Variants in SLC44A5 observed in about 807,000 individuals in gnomAD.
The protein encoded by SLC44A5 is solute carrier family 44 member 5.
In SLC44A5, 57 loss-of-function variants were observed where a neutral mutation model predicts 101.8. That is an observed-to-expected ratio of 0.56 (90% CI 0.45 to 0.70). The LOEUF is 0.70. Ranked by LOEUF, SLC44A5 falls within the 30% of genes least tolerant of loss-of-function variation. SLC44A5 has a pLI of 0.00. For synonymous variants in SLC44A5, 281 were observed against 290.9 expected, an observed-to-expected ratio of 0.97 and a Z score of 0.35; for missense variants, 737 against 853.1, an observed-to-expected ratio of 0.86 and a Z score of 1.70.
intron 4 of SLC44A5, among the ~76,000 whole-genome samples, chr1:75,311,882 G>T (rs1655330397): frequency 1.3e-5 from 2 of 152,198 alleles, no homozygotes; most frequent in Admixed American, 1.3e-4. Flanking sequence ...TCAGGCAGAA[G>T]AAACAGCAAA....
chr1:75,709,589 G>A, the SLC44A5 span, among the ~76,000 whole-genome samples: 39,784 of 152,072 alleles, frequency 0.26, 6,475 homozygotes, highest in East Asian at 0.68. Flanking sequence ...GGAAAAGCAT[G>A]TTTTGTTTGT....
intron 2 of SLC44A5, among the ~76,000 whole-genome samples, chr1:75,533,538 A>G (rs1670834716): frequency 6.6e-6 from 1 of 152,194 alleles, no homozygotes; most frequent in Non-Finnish European, 1.5e-5. Context: ...CCTGATTACA[A>G]AACTTATCAC....
intron 13 of SLC44A5, 59 bp from the exon 14 acceptor site, chr1:75,222,519 C>T (rs973922527): frequency 1.0e-5 from 10 of 986,178 alleles, no homozygotes; most frequent in Non-Finnish European, 1.6e-5. Flanking sequence ...AACAAACCTT[C>T]CCTGCAAATG....
chr1:75,437,863 T>C (rs1664976364), intron 2 of SLC44A5, among the ~76,000 whole-genome samples: 1 of 152,176 alleles, frequency 6.6e-6, no homozygotes, highest in Admixed American at 6.5e-5. Flanking sequence ...AGCTTCCCTG[T>C]TGAAAGACTG....
chr1:75,468,174 T>C (rs1446515716), intron 2 of SLC44A5, among the ~76,000 whole-genome samples: 1 of 151,940 alleles, frequency 6.6e-6, no homozygotes, highest in African/African-American at 2.4e-5. Context: ...CAAAAACAAA[T>C]GCTGGAAAGG....
chr1:75,275,788 T>A (rs555864542), intron 5 of SLC44A5, among the ~76,000 whole-genome samples: 1 of 152,220 alleles, frequency 6.6e-6, no homozygotes, highest in African/African-American at 2.4e-5. Context: ...TAGGAAATGC[T>A]TTCTAATTTT....
chr1:75,365,896 A>G (rs1221049907), intron 3 of SLC44A5, among the ~76,000 whole-genome samples: 1 of 152,196 alleles, frequency 6.6e-6, no homozygotes, highest in Admixed American at 6.5e-5. Context: ...TCAATTACAT[A>G]TAAATCTCTA....
the SLC44A5 span, among the ~76,000 whole-genome samples, chr1:75,718,773 G>T: frequency 6.6e-6 from 1 of 152,114 alleles, no homozygotes; most frequent in Non-Finnish European, 1.5e-5. Flanking sequence ...AGGTCATCAG[G>T]CAACATCCTG....
intron 2 of SLC44A5, among the ~76,000 whole-genome samples, chr1:75,533,772 A>G (rs755873710): frequency 4.6e-5 from 7 of 152,222 alleles, no homozygotes; most frequent in Non-Finnish European, 7.4e-5. Context: ...GCAATACCCT[A>G]TTCTTGAATA....
chr1:75,713,874 C>G, the SLC44A5 span, among the ~76,000 whole-genome samples: 1 of 151,818 alleles, frequency 6.6e-6, no homozygotes, highest in African/African-American at 2.4e-5. Flanking sequence ...ACAAACACAG[C>G]TGAATGCAAC....
chr1:75,365,519 C>A (rs1659794175), intron 3 of SLC44A5, among the ~76,000 whole-genome samples: 1 of 152,150 alleles, frequency 6.6e-6, no homozygotes, highest in South Asian at 2.1e-4. Context: ...CCACTCAACC[C>A]AGAAATCCCA....
chr1:75,224,007 T>C (rs1047041635), intron 13 of SLC44A5, among the ~76,000 whole-genome samples: 3 of 152,168 alleles, frequency 2.0e-5, no homozygotes, highest in Admixed American at 1.3e-4. Context: ...CTTTATAAAA[T>C]TGCACCCTCA....
rs1425598969 is a variant in SLC44A5, at chr1:75,203,375, A to AAAT, written c.*349_*351dup. The AAAT allele has an allele frequency of 1.3e-5, 2 of 159,368 alleles. No homozygotes were observed. Among genetic ancestry groups the AAAT allele is most frequent in the Non-Finnish European group, 2.7e-5 (2 of 72,972 alleles). The allele number at this position is 159,368 out of a possible 1,614,324, so 9.9% of individuals were successfully genotyped here. A position where few individuals can be genotyped will look rare whatever the true frequency, so the allele number is the denominator to read the frequency against. The stretch of plus-strand genomic sequence containing the variant: ...AGTCTTCTTTTAGTTGTAATTTTAA[A>AAAT]AATATATTAGGAGCTATCAATTTAA... On this transcript the variant is annotated 3_prime_UTR_variant, in exon 24 of 24. Transcript: ENST00000370859.
chr1:75,367,900 T>G (rs1165010398), intron 3 of SLC44A5, among the ~76,000 whole-genome samples: 2 of 152,098 alleles, frequency 1.3e-5, no homozygotes, highest in East Asian at 1.9e-4. Context: ...ATTGTTGGAG[T>G]TGGGAGAATA....
intron 2 of SLC44A5, among the ~76,000 whole-genome samples, chr1:75,423,307 T>G (rs1664122791): frequency 6.6e-6 from 1 of 152,166 alleles, no homozygotes; most frequent in Non-Finnish European, 1.5e-5. Context: ...CATACTGCAG[T>G]TTCCTATGGC....
chr1:75,691,853 G>A, the SLC44A5 span, among the ~76,000 whole-genome samples: 3 of 152,064 alleles, frequency 2.0e-5, no homozygotes, highest in East Asian at 5.8e-4. Flanking sequence ...TCATCATGGG[G>A]GCCTCACTCT....
intron 1 of SLC44A5, among the ~76,000 whole-genome samples, chr1:75,590,289 G>A (rs537294540): frequency 1.3e-5 from 2 of 152,210 alleles, no homozygotes; most frequent in African/African-American, 4.8e-5. Context: ...CTAGCTGACA[G>A]ATGACAATTC....
At chr1:75,561,188 T>C (rs1027037488) in intron 1 of SLC44A5, among the ~76,000 whole-genome samples, 6 of 152,176 alleles carry the variant, frequency 3.9e-5, no homozygotes, top group African/African-American at 1.4e-4. Context: ...CTTTGTAATA[T>C]GTCAAAAAGT....
chr1:75,699,280 G>A, the SLC44A5 span, among the ~76,000 whole-genome samples: 46 of 152,224 alleles, frequency 3.0e-4, 1 homozygote, highest in South Asian at 9.6e-3. Flanking sequence ...TCAAAGGGAA[G>A]CCCATCAGAC....
Sources: gnomAD v4.1 joint callset for allele counts (sites outside exome capture counted in the v4.1 genomes callset) on GRCh38, gnomAD v4.1.1 for gene constraint, MANE v1.5 for transcripts, NCBI Gene and HGNC (gene_info 2026-07-23, HGNC 2026-07-21) for gene names.